Variants in ZEB1 observed in about 807,000 individuals in gnomAD.
ZEB1 encodes the protein zinc finger E-box-binding homeobox 1.
A neutral mutation model predicts 84.9 loss-of-function variants in ZEB1; 21 were observed. The observed-to-expected ratio is 0.25, with a 90% CI of 0.18 to 0.36. The LOEUF is 0.36. ZEB1 is among the 10% of genes least tolerant of loss of function. The pLI, the probability that ZEB1 is intolerant of heterozygous loss-of-function variation, is 1.00. For synonymous variants in ZEB1, 420 were observed against 471.1 expected (o/e 0.89, Z 1.41); for missense variants, 1,104 against 1,330.2 (o/e 0.83, Z 2.65).
At chr10:31,382,243 T>C (rs1443459652) in intron 1 of ZEB1, among the ~76,000 whole-genome samples, 1 of 152,098 alleles carries the variant, frequency 6.6e-6, no homozygotes, top group African/African-American at 2.4e-5. Context: ...TTTTGTGAGT[T>C]AAGAAATCCT....
Position 31,527,434 on chromosome 10 carries a change from C to T in ZEB1, c.*170C>T, listed in dbSNP as rs1164260485. Reference sequence around the variant, plus strand: ...CAAAACACACACACACACACACACACACACACACACACACACACAAAATAA... The same window carrying T: ...CAAAACACACACACACACACACACATACACACACACACACACACAAAATAA... On this transcript the variant is annotated 3_prime_UTR_variant, in exon 9 of 9. Coordinates refer to ENST00000424869, the MANE Select transcript of ZEB1 (RefSeq NM_001174096.2). The T allele has an allele frequency of 9.7e-6, 7 of 720,878 alleles. No homozygotes were observed. The highest frequency in any genetic ancestry group is 3.6e-5 in the African/African-American group (2 of 55,846). The allele number at this position is 720,878 out of a possible 1,614,324, so 44.7% of individuals were successfully genotyped here.
chr10:31,416,664 A>G (rs921841045), intron 1 of ZEB1, among the ~76,000 whole-genome samples: 2 of 152,146 alleles, frequency 1.3e-5, no homozygotes, highest in South Asian at 2.1e-4. Flanking sequence ...AGATATTACA[A>G]TGTACCTAAG....
intron 1 of ZEB1, among the ~76,000 whole-genome samples, chr10:31,443,498 G>C (rs1228387686): frequency 6.7e-6 from 1 of 150,094 alleles, no homozygotes; most frequent in Non-Finnish European, 1.5e-5. Flanking sequence ...TGCCATGCTG[G>C]TGCGCTGCAC....
intron 1 of ZEB1, among the ~76,000 whole-genome samples, chr10:31,457,055 A>ATT (rs2061322305): frequency 2.0e-5 from 3 of 151,990 alleles, no homozygotes; most frequent in Admixed American, 2.0e-4. Context: ...ATGTTTAAAG[A>ATT]TTTTTAAAAC....
At chr10:31,378,254 A>G (rs112579131) in intron 1 of ZEB1, among the ~76,000 whole-genome samples, 5 of 151,714 alleles carry the variant, frequency 3.3e-5, no homozygotes, top group Admixed American at 1.3e-4. Context: ...GTGGAGGTCT[A>G]TGCTCTGATA....
chr10:31,452,465 C>A lies in ZEB1; in HGVS notation c.59-8572C>A, dbSNP rs180910457. Among the ~76,000 whole-genome samples the A allele has an allele frequency of 1.8e-3, 275 of 152,166 alleles. 2 individuals are homozygous for A. The highest frequency in any genetic ancestry group is 6.3e-3 in the African/African-American group (263 of 41,524). ...GAGTAATATTATATGCAGAAGTTTT[C>A]TCTGATCCTATGAATTACCACATGA... On this transcript the variant is annotated intron_variant, in intron 1 of 8. Coordinates refer to ENST00000424869, the MANE Select transcript of ZEB1 (RefSeq NM_001174096.2).
At chr10:31,507,518 T>G (rs1042795488) in intron 4 of ZEB1, among the ~76,000 whole-genome samples, 1 of 152,078 alleles carries the variant, frequency 6.6e-6, no homozygotes, top group African/African-American at 2.4e-5. Flanking sequence ...CAGGCTTTGT[T>G]CATTGTTCTT....
rs145002769 is a variant in ZEB1 at position 31,468,468 on chromosome 10, G to A, written c.259+7231G>A. ...ACCTGCAGGCATCACCTGCTGGCCT[G>A]TAGGGTGAACTGCACAACCCAATAT... On this transcript the variant is annotated intron_variant, in intron 2 of 8. Coordinates refer to ENST00000424869, the MANE Select transcript of ZEB1 (RefSeq NM_001174096.2). 2.5e-3 allele frequency among the ~76,000 whole-genome samples: 375 copies of A among 152,300 alleles called. 2 individuals carry two copies. The highest frequency in any genetic ancestry group is 8.5e-3 in the African/African-American group (353 of 41,566).
chr10:31,489,994 AT>A (rs1485857645), intron 2 of ZEB1, among the ~76,000 whole-genome samples: 1 of 151,504 alleles, frequency 6.6e-6, no homozygotes, highest in African/African-American at 2.4e-5. Context: ...GCTGACAGAT[AT>A]TTTTTGTTTT....
chr10:31,495,572 T>G (rs1287469393), intron 2 of ZEB1, among the ~76,000 whole-genome samples: 1 of 152,098 alleles, frequency 6.6e-6, no homozygotes, highest in African/African-American at 2.4e-5. Context: ...TTAAAATGTT[T>G]GTGACAACTG....
chr10:31,390,558 C>T (rs940127728), intron 1 of ZEB1, among the ~76,000 whole-genome samples: 5 of 152,156 alleles, frequency 3.3e-5, no homozygotes, highest in Non-Finnish European at 2.9e-5. Flanking sequence ...TCTAACAGCA[C>T]AACGCTGCTA....
At chr10:31,368,445 C>T (rs943518067) in intron 1 of ZEB1, among the ~76,000 whole-genome samples, 1 of 152,214 alleles carries the variant, frequency 6.6e-6, no homozygotes, top group Non-Finnish European at 1.5e-5. Context: ...GCATAAGCCA[C>T]TGCACCCACC....
chr10:31,371,391 T>C (rs2045669781), intron 1 of ZEB1, among the ~76,000 whole-genome samples: 1 of 152,252 alleles, frequency 6.6e-6, no homozygotes, highest in African/African-American at 2.4e-5. Context: ...GGAATTTATC[T>C]TTGGTCTTCT....
At chr10:31,511,018 G>A in intron 5 of ZEB1, 143 bp downstream of exon 5, 1 of 834,192 alleles carries the variant, frequency 1.2e-6, no homozygotes. Context: ...AAGTGAAAAT[G>A]ATTATTTATT....
intron 4 of ZEB1, among the ~76,000 whole-genome samples, chr10:31,507,405 T>C (rs1262126453): frequency 6.6e-6 from 1 of 152,184 alleles, no homozygotes; most frequent in Non-Finnish European, 1.5e-5. Flanking sequence ...TTTTTGGATA[T>C]TATTTCATTA....
At chr10:31,455,612 C>T (rs2061115370) in intron 1 of ZEB1, among the ~76,000 whole-genome samples, 1 of 152,300 alleles carries the variant, frequency 6.6e-6, no homozygotes, top group South Asian at 2.1e-4. Flanking sequence ...TGAACAGACA[C>T]TTCTCAAAAG....
chr10:31,498,709 C>T (rs957654800), intron 3 of ZEB1, among the ~76,000 whole-genome samples: 1 of 151,880 alleles, frequency 6.6e-6, no homozygotes, highest in Non-Finnish European at 1.5e-5. Flanking sequence ...GACATTTTAA[C>T]ATCACTATTA....
chr10:31,387,150 G>A, intron 1 of ZEB1: 3 of 985,760 alleles, frequency 3.0e-6, no homozygotes, highest in Non-Finnish European at 3.6e-6. Context: ...CACCACAAGA[G>A]GAATATAAAG....
chr10:31,357,631 T>G (rs1336295936), intron 1 of ZEB1, among the ~76,000 whole-genome samples: 2 of 152,188 alleles, frequency 1.3e-5, no homozygotes, highest in Admixed American at 1.3e-4. Context: ...TGGTTTTTTT[T>G]TAAAGCTAGG....
Sources: allele counts gnomAD v4.1 joint callset (sites outside exome capture counted in the v4.1 genomes callset), GRCh38; gene constraint gnomAD v4.1.1; transcripts MANE v1.5; gene names NCBI Gene and HGNC (gene_info 2026-07-23, HGNC 2026-07-21).